Variants in NBAS observed in about 807,000 individuals in gnomAD.
NBAS encodes the protein NBAS subunit of NRZ tethering complex, also known as NAG/BC035112 fusion.
A neutral mutation model predicts 302.5 loss-of-function variants in NBAS; 219 were observed. The observed-to-expected ratio is 0.72, with a 90% CI of 0.65 to 0.81. The LOEUF is 0.81. NBAS is among the 30% of genes least tolerant of loss of function. The pLI, the probability that NBAS is intolerant of heterozygous loss-of-function variation, is 0.00. For missense variants in NBAS, 2,932 were observed against 2,841.6 expected, an observed-to-expected ratio of 1.03 and a Z score of -0.72; for synonymous variants, 1,118 against 1,021.6, an observed-to-expected ratio of 1.09 and a Z score of -1.80.
intron 25 of NBAS, among the ~76,000 whole-genome samples, chr2:15,412,548 A>G (rs1302140678): frequency 6.6e-6 from 1 of 152,218 alleles, no homozygotes; most frequent in Non-Finnish European, 1.5e-5. Context: ...AACTGCACCT[A>G]TTACATTACT....
At chr2:15,201,856 T>A (rs1437359375) in intron 48 of NBAS, among the ~76,000 whole-genome samples, 1 of 152,192 alleles carries the variant, frequency 6.6e-6, no homozygotes, top group Non-Finnish European at 1.5e-5. Flanking sequence ...GCTGAGACAG[T>A]CTGAAGGTTC....
At chr2:15,056,822 C>CT in the NBAS span, among the ~76,000 whole-genome samples, 9 of 138,240 alleles carry the variant, frequency 6.5e-5, no homozygotes, top group African/African-American at 1.1e-4. Context: ...TTTCCCTTTT[C>CT]TTTTTTTTTT....
chr2:15,234,290 T>C (rs1667496401), intron 46 of NBAS, among the ~76,000 whole-genome samples: 1 of 152,162 alleles, frequency 6.6e-6, no homozygotes, highest in South Asian at 2.1e-4. Flanking sequence ...TTTCCCTTAT[T>C]TCAAGAAAAG....
At chr2:15,478,976 A>G (rs1297139650) in intron 12 of NBAS, among the ~76,000 whole-genome samples, 1 of 152,188 alleles carries the variant, frequency 6.6e-6, no homozygotes, top group Non-Finnish European at 1.5e-5. Context: ...GTAAAAAAAT[A>G]GTTGGGGTGC....
chr2:14,789,513 T>C, the NBAS span, among the ~76,000 whole-genome samples: 2 of 152,218 alleles, frequency 1.3e-5, no homozygotes, highest in South Asian at 4.1e-4. Context: ...TCTGATATTT[T>C]AGGGGTATTC....
At chr2:15,129,771 A>G in the NBAS span, among the ~76,000 whole-genome samples, 1 of 152,102 alleles carries the variant, frequency 6.6e-6, no homozygotes, top group Non-Finnish European at 1.5e-5. Context: ...AGTTCTCATG[A>G]GTTCTCCTCT....
intron 44 of NBAS, among the ~76,000 whole-genome samples, chr2:15,270,876 C>A (rs561001585): frequency 6.6e-6 from 1 of 152,176 alleles, no homozygotes; most frequent in Non-Finnish European, 1.5e-5. Context: ...ATGATTCACT[C>A]TGAATCTGAC....
the NBAS span, among the ~76,000 whole-genome samples, chr2:15,157,637 C>G: frequency 2.6e-5 from 4 of 152,168 alleles, no homozygotes; most frequent in Non-Finnish European, 5.9e-5. Flanking sequence ...CATATTTCAT[C>G]ACAAGCTACA....
At chr2:14,800,815 A>T in the NBAS span, among the ~76,000 whole-genome samples, 3 of 124,422 alleles carry the variant, frequency 2.4e-5, no homozygotes, top group African/African-American at 6.9e-5. Flanking sequence ...AGGCACTTAC[A>T]TTTGCCCACT....
chr2:15,211,755 C>T (rs566439919), intron 48 of NBAS, among the ~76,000 whole-genome samples: 3 of 152,198 alleles, frequency 2.0e-5, no homozygotes, highest in Non-Finnish European at 2.9e-5. Flanking sequence ...GAAAAGAGTA[C>T]CCAGAGATGG....
the NBAS span, among the ~76,000 whole-genome samples, chr2:14,938,228 C>T: frequency 6.6e-6 from 1 of 152,030 alleles, no homozygotes; most frequent in African/African-American, 2.4e-5. Flanking sequence ...ATTATTATTA[C>T]AAATAAATAT....
intron 25 of NBAS, among the ~76,000 whole-genome samples, chr2:15,406,114 AAC>A (rs776591235): frequency 0.012 from 1,830 of 146,954 alleles, 38 homozygotes; most frequent in East Asian, 0.057. Context: ...AAAAAAAAAA[AAC>A]AAAACAAAAA....
intron 43 of NBAS, 139 bp from the exon 44 acceptor site, chr2:15,275,957 T>C (rs1374456346): frequency 1.5e-5 from 11 of 753,926 alleles, no homozygotes; most frequent in Non-Finnish European, 2.2e-6. Flanking sequence ...TAGTTTATAT[T>C]TTCTATTAGA....
At chr2:15,038,840 G>A in the NBAS span, among the ~76,000 whole-genome samples, 2 of 152,220 alleles carry the variant, frequency 1.3e-5, no homozygotes, top group African/African-American at 4.8e-5. Context: ...GGGATGGGGA[G>A]GAAGTCAGAA....
the NBAS span, among the ~76,000 whole-genome samples, chr2:15,144,046 A>ATATATATATATATATATATATATTATCCT: frequency 9.6e-6 from 1 of 104,578 alleles, no homozygotes; most frequent in Non-Finnish European, 1.7e-5. Context: ...CCTATATATA[A>ATATATATATATATATATATATATTATCCT]AAATATATAT....
At chr2:15,121,041 T>G in the NBAS span, among the ~76,000 whole-genome samples, 1 of 152,210 alleles carries the variant, frequency 6.6e-6, no homozygotes. Context: ...GCCAATAGTT[T>G]TGCTCAATAT....
chr2:15,452,485 G>A (rs1287232013), intron 21 of NBAS, among the ~76,000 whole-genome samples: 1 of 151,792 alleles, frequency 6.6e-6, no homozygotes, highest in Non-Finnish European at 1.5e-5. Flanking sequence ...CTACTCAGGA[G>A]GCTGAGGCAG....
At chr2:15,104,778 T>C in the NBAS span, among the ~76,000 whole-genome samples, 94,316 of 152,054 alleles carry the variant, frequency 0.62, 29,901 homozygotes, top group Admixed American at 0.72. Context: ...CTGTGGTTTA[T>C]ATTTGCATTT....
In NBAS at chr2:15,275,639, T is replaced by C. The variant is rs758233969; in HGVS notation, c.5569A>G (p.Thr1857Ala). 7 of 1,614,046 alleles carry C rather than the reference T, an allele frequency of 4.3e-6. No homozygotes were observed. In the Admixed American group the frequency reaches 1.2e-4, roughly 27 times the overall value. The change falls in exon 44 of 52, where the codon ACT becomes GCT. Residue 1857 changes from threonine to alanine, a missense_variant. Transcript: ENST00000281513. ...YTIWLQKLFWTGDPHLIKQVP... is the reference protein window; with the variant it reads ...YTIWLQKLFWAGDPHLIKQVP... ...TGTTTAATGAGATGAGGGTCTCCAG[T>C]CCAGAACAACTTCTGTAACCAGATG... is the stretch of plus-strand genomic sequence containing the variant.
Sources: allele counts gnomAD v4.1 joint callset (sites outside exome capture counted in the v4.1 genomes callset), GRCh38; gene constraint gnomAD v4.1.1; transcripts MANE v1.5; gene names NCBI Gene and HGNC (gene_info 2026-07-23, HGNC 2026-07-21).